Variants in HSF2BP observed in about 807,000 individuals in gnomAD.
HSF2BP encodes heat shock transcription factor 2 binding protein.
A neutral mutation model predicts 35.0 loss-of-function variants in HSF2BP; 35 were observed. The observed-to-expected ratio is 1.00, with a 90% confidence interval of 0.76 to 1.32. HSF2BP has a LOEUF of 1.32. Among genes scored for constraint, HSF2BP ranks in the 40% most tolerant of loss-of-function variants. The probability of loss-of-function intolerance (pLI) is 0.00; values close to 1 mark genes in which losing one functional copy is unlikely to be tolerated. For synonymous variants in HSF2BP, 114 were observed against 117.4 expected (o/e 0.97, Z 0.18); for missense variants, 326 against 321.7 (o/e 1.01, Z -0.10).
At chr21:43,501,285 C>T in the HSF2BP span, among the ~76,000 whole-genome samples, 26 of 124,158 alleles carry the variant, frequency 2.1e-4, 9 homozygotes, top group African/African-American at 7.9e-4. Flanking sequence ...TTCTGAATGG[C>T]GTAATGAAAT....
At chr21:43,614,512 C>T (rs771828855) in intron 6 of HSF2BP, among the ~76,000 whole-genome samples, 1 of 152,156 alleles carries the variant, frequency 6.6e-6, no homozygotes, top group Non-Finnish European at 1.5e-5. Flanking sequence ...ACCAAGTCTG[C>T]GGTCACTATG....
chr21:43,656,543 C>A, intron 3 of HSF2BP, 44 bp downstream of exon 3: 1 of 1,570,252 alleles, frequency 6.4e-7, no homozygotes, highest in Non-Finnish European at 8.7e-7. Flanking sequence ...TCTGCTAGAA[C>A]AAATTACTGT....
chr21:43,591,649 C>A (rs1246168919), intron 8 of HSF2BP, among the ~76,000 whole-genome samples: 1 of 152,212 alleles, frequency 6.6e-6, no homozygotes, highest in Non-Finnish European at 1.5e-5. Flanking sequence ...AACAGGTATA[C>A]AGTAGGCCCC....
At chr21:43,587,482 A>G (rs1362485664) in intron 8 of HSF2BP, among the ~76,000 whole-genome samples, 1 of 152,012 alleles carries the variant, frequency 6.6e-6, no homozygotes, top group East Asian at 1.9e-4. Flanking sequence ...CCTGACCAAC[A>G]TGGAGAAACC....
intron 8 of HSF2BP, among the ~76,000 whole-genome samples, chr21:43,574,099 G>A (rs1450406252): frequency 6.6e-6 from 1 of 152,174 alleles, no homozygotes; most frequent in African/African-American, 2.4e-5. Flanking sequence ...AGGGGGAGGA[G>A]GCCAGACCAC....
At chr21:43,592,181 G>C (rs750640562) in intron 8 of HSF2BP, 44 bp downstream of exon 8, 3 of 1,326,616 alleles carry the variant, frequency 2.3e-6, no homozygotes, top group Non-Finnish European at 3.3e-6. Context: ...GAGGACTACT[G>C]CATAACCCGT....
At chr21:43,581,885 GGGCCTGCTGTGGGGA>G (rs2081741959) in intron 8 of HSF2BP, among the ~76,000 whole-genome samples, 1 of 149,954 alleles carries the variant, frequency 6.7e-6, no homozygotes, top group Non-Finnish European at 1.5e-5. Context: ...TGGGGGATGA[GGGCCTGCTGTGGGGA>G]ATGAGGCCCT....
chr21:43,628,845 G>C (rs1211175457), intron 6 of HSF2BP, among the ~76,000 whole-genome samples: 1 of 152,160 alleles, frequency 6.6e-6, no homozygotes, highest in African/African-American at 2.4e-5. Flanking sequence ...GAAAATCCTA[G>C]AGCCCTTAAG....
At chr21:43,467,885 ACAC>A in the HSF2BP span, among the ~76,000 whole-genome samples, 2 of 117,604 alleles carry the variant, frequency 1.7e-5, no homozygotes, top group African/African-American at 6.6e-5. Context: ...CACACCACAC[ACAC>A]CACACACCAC....
At chr21:43,626,357 A>G (rs1195288050) in intron 6 of HSF2BP, among the ~76,000 whole-genome samples, 1 of 152,244 alleles carries the variant, frequency 6.6e-6, no homozygotes, top group East Asian at 1.9e-4. Context: ...CAGAGATTAA[A>G]GATCAATGTA....
At chr21:43,651,281 G>A (rs2082782357) in intron 3 of HSF2BP, among the ~76,000 whole-genome samples, 2 of 151,970 alleles carry the variant, frequency 1.3e-5, no homozygotes, top group African/African-American at 4.8e-5. Context: ...AAGCATTACT[G>A]TCCACATTTT....
Position 43,658,187 on chromosome 21 carries a change from G to T in HSF2BP, c.-91C>A. 1 of 1,384,150 alleles carries T rather than the reference G, an allele frequency of 7.2e-7. No homozygotes were observed. Among genetic ancestry groups the T allele is most frequent in the Non-Finnish European group, 9.5e-7 (1 of 1,051,612 alleles). 85.7% of individuals were successfully genotyped at this position (1,384,150 alleles called of 1,614,324 possible). The stretch of plus-strand genomic sequence containing the variant: ...AGCGCGGGAACGAATCCACGCCGGG[G>T]GTCGGGAACGGAGAGCCGCCAGGCC... On this transcript the variant is annotated 5_prime_UTR_variant, in exon 2 of 9. Transcript: ENST00000291560.
intron 3 of HSF2BP, among the ~76,000 whole-genome samples, chr21:43,655,658 G>A (rs113950893): frequency 0.025 from 3,836 of 152,244 alleles, 50 homozygotes; most frequent in Middle Eastern, 0.065. Context: ...CCATTGGTGA[G>A]CCCCACTGGC....
chr21:43,467,870 CCAA>C, the HSF2BP span, among the ~76,000 whole-genome samples: 4 of 119,420 alleles, frequency 3.3e-5, no homozygotes, highest in African/African-American at 6.5e-5. Context: ...CACACACACA[CCAA>C]ACACACCACA....
rs114648029 is a variant in HSF2BP, at chr21:43,642,413, G to A, written c.291+1876C>T. Among the ~76,000 whole-genome samples, 760 of 152,236 alleles carry A rather than the reference G, an allele frequency of 5.0e-3. 8 individuals are homozygous for A. Among genetic ancestry groups the A allele is most frequent in the African/African-American group, 0.017 (722 of 41,536 alleles). ...TTTCTAGAGTCCCTCCTCATGATCC[G>A]TACAGGCCTCAACAGAGACTACAGC... On this transcript the variant is annotated intron_variant, in intron 4 of 8. Coordinates refer to ENST00000291560, the MANE Select transcript of HSF2BP (RefSeq NM_007031.2).
intron 3 of HSF2BP, among the ~76,000 whole-genome samples, chr21:43,656,286 T>TA (rs1180107247): frequency 6.6e-6 from 1 of 152,228 alleles, no homozygotes; most frequent in Non-Finnish European, 1.5e-5. Context: ...AGTAAGTACT[T>TA]AATTTTCAGA....
At chr21:43,575,274 G>A (rs933104968) in intron 8 of HSF2BP, among the ~76,000 whole-genome samples, 10 of 152,298 alleles carry the variant, frequency 6.6e-5, no homozygotes, top group African/African-American at 2.2e-4. Flanking sequence ...CTCGCCTTTC[G>A]AGGTGACGCA....
At position 43,606,522 on chromosome 21, in the gene HSF2BP, T is replaced by C. The variant is rs904116561; in HGVS notation, c.692+7308A>G. Among the ~76,000 whole-genome samples, 60 of 152,214 alleles carry C rather than the reference T, an allele frequency of 3.9e-4. 2 individuals are homozygous for C. The highest frequency in any genetic ancestry group is 3.5e-3 in the Admixed American group (53 of 15,284). On this transcript the variant is annotated intron_variant, in intron 7 of 8. Coordinates refer to ENST00000291560, the MANE Select transcript of HSF2BP (RefSeq NM_007031.2). ...GGCAGGGAGGAGAGGAGGTATGGCC[T>C]GAGTGCTACAGCAATGTTTACCAGA... is the stretch of plus-strand genomic sequence containing the variant.
At chr21:43,467,631 G>A in the HSF2BP span, among the ~76,000 whole-genome samples, 1 of 151,392 alleles carries the variant, frequency 6.6e-6, no homozygotes, top group African/African-American at 2.4e-5. Context: ...AAATGCACAG[G>A]GGCCGGGGTC....
Sources: allele counts gnomAD v4.1 joint callset (sites outside exome capture counted in the v4.1 genomes callset), GRCh38; gene constraint gnomAD v4.1.1; transcripts MANE v1.5; gene names NCBI Gene and HGNC (gene_info 2026-07-23, HGNC 2026-07-21).